Variants in PTPN4 observed in about 807,000 individuals in gnomAD.
PTPN4 encodes the protein tyrosine-protein phosphatase non-receptor type 4.
PTPN4 carries 49 observed loss-of-function variants against 135.5 expected under a neutral mutation model. The observed-to-expected ratio is 0.36, with a 90% confidence interval of 0.29 to 0.46. PTPN4 has a LOEUF of 0.46. Among genes scored for constraint, PTPN4 ranks in the 20% least tolerant of loss-of-function variants. The pLI is 1.00. For missense variants in PTPN4, 860 were observed against 1,101.0 expected, an observed-to-expected ratio of 0.78 and a Z score of 3.10; for synonymous variants, 333 against 369.9, an observed-to-expected ratio of 0.90 and a Z score of 1.14.
intron 1 of PTPN4, among the ~76,000 whole-genome samples, chr2:119,766,903 C>G (rs1335641159): frequency 6.6e-6 from 1 of 152,140 alleles, no homozygotes; most frequent in Non-Finnish European, 1.5e-5. Context: ...AGCTTCCCTT[C>G]TTTAGCAAGG....
Position 119,760,319 on chromosome 2 carries a change from C to T in PTPN4, c.-83C>T, listed in dbSNP as rs935811608. On this transcript the variant is annotated 5_prime_UTR_variant, in exon 1 of 27. Transcript: ENST00000263708. ...GAGCGGCACGGAGGACGCGCTTCTCCTCTGCGCGCCGGGGCCTCGAGGCTT... is the reference window on the plus strand; with the variant it reads ...GAGCGGCACGGAGGACGCGCTTCTCTTCTGCGCGCCGGGGCCTCGAGGCTT... The T allele has an allele frequency of 5.6e-5, 22 of 395,196 alleles. No homozygotes were observed. Among genetic ancestry groups the T allele is most frequent in the African/African-American group, 3.7e-4 (18 of 48,460 alleles). 24.5% of individuals were successfully genotyped at this position (395,196 alleles called of 1,614,324 possible). A position where few individuals can be genotyped will look rare whatever the true frequency, so the allele number is the denominator to read the frequency against.
chr2:119,793,345 C>T (rs1323245380), intron 1 of PTPN4, among the ~76,000 whole-genome samples: 1 of 152,216 alleles, frequency 6.6e-6, no homozygotes, highest in African/African-American at 2.4e-5. Flanking sequence ...GCCCGGCTCC[C>T]AGGCAGTTAG....
chr2:119,906,032 A>G (rs761505222), intron 10 of PTPN4, among the ~76,000 whole-genome samples: 1 of 152,192 alleles, frequency 6.6e-6, no homozygotes, highest in African/African-American at 2.4e-5. Context: ...AAACAGTTTA[A>G]TGATGCATCT....
chr2:119,762,996 A>T (rs1690536078), intron 1 of PTPN4, among the ~76,000 whole-genome samples: 1 of 152,182 alleles, frequency 6.6e-6, no homozygotes, highest in Non-Finnish European at 1.5e-5. Context: ...AGGAGGTGTT[A>T]TCTCTTCATT....
chr2:119,922,842 T>C (rs1198926421), intron 12 of PTPN4, among the ~76,000 whole-genome samples: 3 of 152,248 alleles, frequency 2.0e-5, no homozygotes, highest in Non-Finnish European at 4.4e-5. Context: ...AATTCTTTAA[T>C]AGATAAGGCA....
At chr2:119,874,637 C>T (rs752157706) in intron 3 of PTPN4, among the ~76,000 whole-genome samples, 5 of 151,952 alleles carry the variant, frequency 3.3e-5, no homozygotes, top group East Asian at 1.9e-4. Flanking sequence ...AGACTGACTG[C>T]GAATAGGTAC....
chr2:119,829,115 T>G (rs1303389143), intron 2 of PTPN4, among the ~76,000 whole-genome samples: 2 of 152,220 alleles, frequency 1.3e-5, no homozygotes, highest in Non-Finnish European at 2.9e-5. Flanking sequence ...CTTTCTGTGG[T>G]TTGTCAGTGA....
At chr2:119,968,770 T>A (rs1679483524) in intron 26 of PTPN4, among the ~76,000 whole-genome samples, 1 of 152,098 alleles carries the variant, frequency 6.6e-6, no homozygotes, top group Admixed American at 6.5e-5. Context: ...CCAGCCTGGG[T>A]GACAGAGTGC....
At chr2:119,819,590 A>G (rs1186432038) in intron 2 of PTPN4, among the ~76,000 whole-genome samples, 2 of 152,272 alleles carry the variant, frequency 1.3e-5, no homozygotes, top group East Asian at 3.9e-4. Context: ...TTGCTTTCCA[A>G]AGATGGAACC....
Position 119,952,057 on chromosome 2 carries a change from C to G in PTPN4, c.1741C>G (p.Gln581Glu). 5 of 1,613,366 alleles carry G rather than the reference C, an allele frequency of 3.1e-6. No homozygotes were observed. Among genetic ancestry groups the G allele is most frequent in the Non-Finnish European group, 3.4e-6 (4 of 1,179,422 alleles). ...GRDIAEHTHD[Q>E]VVLFIKASCE... ...GGACATTGCAGAACACACTCATGAT[C>G]AGGTTGTGCTGTTTATTAAAGCTAG... The change falls in exon 19 of 27, where the codon CAG becomes GAG. Residue 581 changes from glutamine to glutamate, a missense_variant. Physicochemically the swap from Gln to Glu is conservative, Grantham distance 29. Coordinates refer to ENST00000263708, the MANE Select transcript of PTPN4 (RefSeq NM_002830.4).
intron 2 of PTPN4, among the ~76,000 whole-genome samples, chr2:119,826,363 G>C (rs985069244): frequency 1.3e-5 from 2 of 152,174 alleles, no homozygotes. Flanking sequence ...AAAATAATCT[G>C]TACAAGGATA....
chr2:119,895,830 C>T (rs371904723), intron 9 of PTPN4, among the ~76,000 whole-genome samples: 3 of 150,306 alleles, frequency 2.0e-5, no homozygotes, highest in Non-Finnish European at 3.0e-5. Flanking sequence ...GGAAGGAGAA[C>T]GGCGTGAACC....
At chr2:119,880,845 G>T (rs564657016) in intron 5 of PTPN4, among the ~76,000 whole-genome samples, 1 of 151,176 alleles carries the variant, frequency 6.6e-6, no homozygotes, top group African/African-American at 2.4e-5. Context: ...CTTTTTTTTT[G>T]TAATGAATAT....
intron 26 of PTPN4, among the ~76,000 whole-genome samples, chr2:119,976,152 C>T (rs999832780): frequency 6.6e-6 from 1 of 151,684 alleles, no homozygotes; most frequent in Admixed American, 6.6e-5. Context: ...CCCACTACCA[C>T]GCCCGGCTAA....
chr2:119,924,192 A>T (rs1233686219), intron 12 of PTPN4, among the ~76,000 whole-genome samples: 1 of 150,734 alleles, frequency 6.6e-6, no homozygotes, highest in Non-Finnish European at 1.5e-5. Flanking sequence ...TTGAATCCTT[A>T]AAGTTTGAAA....
intron 2 of PTPN4, among the ~76,000 whole-genome samples, chr2:119,855,971 A>G (rs886255410): frequency 4.6e-5 from 7 of 151,862 alleles, no homozygotes; most frequent in Non-Finnish European, 5.9e-5. Context: ...CACCCAGCTA[A>G]TTTTTTGTAT....
intron 13 of PTPN4, among the ~76,000 whole-genome samples, chr2:119,926,987 T>C (rs776195226): frequency 6.6e-6 from 1 of 152,106 alleles, no homozygotes; most frequent in Non-Finnish European, 1.5e-5. Flanking sequence ...TAGTGACTTA[T>C]TTCATGTTAT....
intron 24 of PTPN4, among the ~76,000 whole-genome samples, chr2:119,964,218 C>T (rs1400016511): frequency 6.6e-6 from 1 of 152,154 alleles, no homozygotes; most frequent in East Asian, 1.9e-4. Flanking sequence ...CAGGTCCTCT[C>T]ATGGAGTCTT....
At chr2:119,883,718 C>T (rs545695867) in intron 8 of PTPN4, among the ~76,000 whole-genome samples, 20 of 152,258 alleles carry the variant, frequency 1.3e-4, no homozygotes, top group African/African-American at 3.6e-4. Context: ...TGTTTCCTTA[C>T]GTAAACTGGG....
Sources: allele counts gnomAD v4.1 joint callset (sites outside exome capture counted in the v4.1 genomes callset), GRCh38; gene constraint gnomAD v4.1.1; transcripts MANE v1.5; gene names NCBI Gene and HGNC (gene_info 2026-07-23, HGNC 2026-07-21).